The following MEIKIN variants were observed in gnomAD, a reference collection of about 807,000 sequenced individuals.
MEIKIN encodes the protein meiosis-specific kinetochore protein.
At chr5:131,872,034 C>G (rs553367139) in intron 9 of MEIKIN, among the ~76,000 whole-genome samples, 2 of 152,030 alleles carry the variant, frequency 1.3e-5, no homozygotes, top group South Asian at 4.1e-4. Flanking sequence ...TACATAAAAC[C>G]ACAAAGATGG....
intron 8 of MEIKIN, among the ~76,000 whole-genome samples, chr5:131,888,369 CTGT>C (rs748265371): frequency 0.099 from 14,717 of 149,376 alleles, 1,383 homozygotes; most frequent in African/African-American, 0.28. Context: ...TCTCCAGCAC[CTGT>C]TGTTTCCTGA....
chr5:131,839,608 G>A (rs1470746685), intron 11 of MEIKIN, among the ~76,000 whole-genome samples: 1 of 152,084 alleles, frequency 6.6e-6, no homozygotes, highest in African/African-American at 2.4e-5. Context: ...ATTATGTAAT[G>A]CCCTTGTCTT....
chr5:131,875,880 A>C (rs967465625), intron 9 of MEIKIN, among the ~76,000 whole-genome samples: 2 of 152,216 alleles, frequency 1.3e-5, no homozygotes, highest in Non-Finnish European at 2.9e-5. Context: ...ACCTGACAAA[A>C]ACAAGCAATG....
At chr5:131,899,011 T>C (rs920877599) in intron 8 of MEIKIN, among the ~76,000 whole-genome samples, 2 of 152,184 alleles carry the variant, frequency 1.3e-5, no homozygotes, top group African/African-American at 2.4e-5. Context: ...TCTGTGTCGA[T>C]CACGCTGGGA....
intron 8 of MEIKIN, among the ~76,000 whole-genome samples, chr5:131,906,945 C>A (rs1394774315): frequency 3.3e-5 from 5 of 152,048 alleles, no homozygotes; most frequent in African/African-American, 1.2e-4. Context: ...AATCTGCACA[C>A]CAAACTACTG....
chr5:131,878,788 C>G, intron 9 of MEIKIN, 190 bp downstream of exon 9: 1 of 358,368 alleles, frequency 2.8e-6, no homozygotes. Context: ...AACAGGAGAA[C>G]AGCTTGAGCC....
At chr5:131,834,149 T>C (rs1273812213) in intron 11 of MEIKIN, among the ~76,000 whole-genome samples, 1 of 151,960 alleles carries the variant, frequency 6.6e-6, no homozygotes, top group Non-Finnish European at 1.5e-5. Context: ...GAAGGAGAGG[T>C]GTACTAAGTG....
At chr5:131,843,839 T>C (rs1194066707) in intron 11 of MEIKIN, among the ~76,000 whole-genome samples, 3 of 152,234 alleles carry the variant, frequency 2.0e-5, no homozygotes, top group Admixed American at 1.3e-4. Flanking sequence ...GCTGCTATCA[T>C]ATTTTCAGGT....
chr5:131,883,359 C>A (rs915877756), intron 8 of MEIKIN, among the ~76,000 whole-genome samples: 6 of 152,146 alleles, frequency 3.9e-5, no homozygotes, highest in Admixed American at 3.9e-4. Context: ...AATCTAGGAA[C>A]TAACTTTGAA....
intron 11 of MEIKIN, among the ~76,000 whole-genome samples, chr5:131,824,576 G>A (rs1051884639): frequency 6.6e-6 from 1 of 151,980 alleles, no homozygotes; most frequent in Non-Finnish European, 1.5e-5. Context: ...AAGAAGATTT[G>A]AAAAAGAACC....
At chr5:131,874,471 G>A (rs558086769) in intron 9 of MEIKIN, among the ~76,000 whole-genome samples, 12 of 152,080 alleles carry the variant, frequency 7.9e-5, no homozygotes, top group East Asian at 5.8e-4. Flanking sequence ...CTGAATAGAC[G>A]AATAACAGGC....
At chr5:131,855,883 A>C (rs1750184042) in intron 9 of MEIKIN, among the ~76,000 whole-genome samples, 1 of 152,194 alleles carries the variant, frequency 6.6e-6, no homozygotes, top group African/African-American at 2.4e-5. Context: ...AGTCAAACAG[A>C]CAGAGACAGG....
chr5:131,849,450 TTATATA>T (rs1207376777), intron 11 of MEIKIN, among the ~76,000 whole-genome samples: 1 of 30,658 alleles, frequency 3.3e-5, no homozygotes. Flanking sequence ...CCTCTTTTCT[TTATATA>T]TATAAAGAAA....
chr5:131,832,810 C>T (rs1459489602), intron 11 of MEIKIN, among the ~76,000 whole-genome samples: 1 of 152,246 alleles, frequency 6.6e-6, no homozygotes, highest in Non-Finnish European at 1.5e-5. Flanking sequence ...TCTGCGTTCA[C>T]CCCTTTCAGC....
chr5:131,924,369 C>A (rs1561756525), intron 5 of MEIKIN, among the ~76,000 whole-genome samples: 1 of 152,246 alleles, frequency 6.6e-6, no homozygotes, highest in East Asian at 1.9e-4. Flanking sequence ...CATGGTCATT[C>A]TGTCTTTAAT....
chr5:131,915,908 T>C (rs1751408908), intron 7 of MEIKIN, among the ~76,000 whole-genome samples: 2 of 152,334 alleles, frequency 1.3e-5, no homozygotes, highest in African/African-American at 4.8e-5. Context: ...TAGTCTCAGA[T>C]ACACATAATC....
chr5:131,838,185 C>T (rs1275397246), intron 11 of MEIKIN, among the ~76,000 whole-genome samples: 2 of 152,172 alleles, frequency 1.3e-5, no homozygotes, highest in Admixed American at 6.5e-5. Flanking sequence ...CTCAACTTTG[C>T]ATCCCAGGGA....
At chr5:131,818,517 C>T (rs1773142675) in intron 12 of MEIKIN, among the ~76,000 whole-genome samples, 1 of 152,070 alleles carries the variant, frequency 6.6e-6, no homozygotes, top group Admixed American at 6.6e-5. Flanking sequence ...AACTCCTAGG[C>T]TCTACTGATC....
intron 6 of MEIKIN, among the ~76,000 whole-genome samples, chr5:131,918,143 A>G (rs908275813): frequency 6.6e-6 from 1 of 152,214 alleles, no homozygotes; most frequent in Non-Finnish European, 1.5e-5. Flanking sequence ...GCCCACAGCC[A>G]GCAAAAGTTG....
Sources: allele counts gnomAD v4.1 joint callset (sites outside exome capture counted in the v4.1 genomes callset), GRCh38; gene constraint gnomAD v4.1.1; transcripts MANE v1.5; gene names NCBI Gene and HGNC (gene_info 2026-07-23, HGNC 2026-07-21).